HS3ST4: variants seen among roughly 807,000 people sequenced by gnomAD.
HS3ST4 encodes heparan sulfate glucosamine 3-O-sulfotransferase 4.
HS3ST4 carries 17 observed loss-of-function variants against 29.2 expected under a neutral mutation model. The ratio of observed to expected loss-of-function variants is 0.58; its 90% CI spans 0.40 to 0.87. The LOEUF (loss-of-function observed/expected upper bound fraction) is 0.87. HS3ST4 is among the 40% of genes least tolerant of loss of function. HS3ST4 has a pLI of 0.00. For synonymous variants in HS3ST4, 314 were observed against 285.7 expected (o/e 1.10, Z -1.00); for missense variants, 627 against 634.5 (o/e 0.99, Z 0.13).
intron 1 of HS3ST4, among the ~76,000 whole-genome samples, chr16:26,033,194 CAT>C (rs1214383941): frequency 3.9e-5 from 6 of 152,090 alleles, no homozygotes; most frequent in Admixed American, 3.9e-4. Flanking sequence ...GCCTGGGCAA[CAT>C]AGCACAGTTC....
In HS3ST4 at chr16:26,136,026, G is replaced by A; in HGVS notation, c.1149G>A (p.Glu383=). Residue 383 remains glutamate, a synonymous_variant, in exon 2 of 2, where the codon GAG becomes GAA. Transcript: ENST00000331351. The part of the protein sequence containing the change: ...DFLGLKRVVT[E]KHFYFNKTKG... ...TAGGCCTCAAACGTGTTGTGACTGA[G>A]AAGCATTTCTATTTCAACAAAACCA... 6.8e-6 allele frequency: 11 copies of A among 1,613,984 alleles called. No homozygotes were observed. The highest frequency in any genetic ancestry group is 8.5e-6 in the Non-Finnish European group (10 of 1,179,888).
chr16:25,749,777 G>A (rs948145771), intron 1 of HS3ST4, among the ~76,000 whole-genome samples: 2 of 152,122 alleles, frequency 1.3e-5, no homozygotes, highest in African/African-American at 4.8e-5. Flanking sequence ...ATTCTTTGTT[G>A]TTGTTTTTAT....
At chr16:26,124,838 G>T (rs1899321275) in intron 1 of HS3ST4, among the ~76,000 whole-genome samples, 1 of 152,230 alleles carries the variant, frequency 6.6e-6, no homozygotes, top group Admixed American at 6.5e-5. Flanking sequence ...TGAGAGAGAA[G>T]AAGCTACCTT....
chr16:26,098,911 C>A (rs2141795239), intron 1 of HS3ST4, among the ~76,000 whole-genome samples: 1 of 152,084 alleles, frequency 6.6e-6, no homozygotes, highest in Non-Finnish European at 1.5e-5. Context: ...CCAAGGCAAC[C>A]TGCGGATACG....
chr16:25,880,812 C>T (rs1045319756), intron 1 of HS3ST4, among the ~76,000 whole-genome samples: 2 of 152,168 alleles, frequency 1.3e-5, no homozygotes, highest in African/African-American at 4.8e-5. Context: ...AGAGGATTTG[C>T]TTGCTTGTAT....
chr16:25,830,710 A>G (rs957572576), intron 1 of HS3ST4, among the ~76,000 whole-genome samples: 7 of 150,876 alleles, frequency 4.6e-5, no homozygotes, highest in Non-Finnish European at 8.8e-5. Context: ...CCCCACCTTC[A>G]ATCCATGTCT....
chr16:25,931,619 G>T (rs1272114532), intron 1 of HS3ST4, among the ~76,000 whole-genome samples: 1 of 152,218 alleles, frequency 6.6e-6, no homozygotes, highest in African/African-American at 2.4e-5. Context: ...CATTATGCAG[G>T]ATGGAGACAA....
At chr16:25,824,206 C>T (rs1244460256) in intron 1 of HS3ST4, among the ~76,000 whole-genome samples, 2 of 151,636 alleles carry the variant, frequency 1.3e-5, no homozygotes, top group African/African-American at 4.8e-5. Context: ...CTCAGACAGA[C>T]TCAGGATACC....
chr16:25,780,383 A>G (rs1004578301), intron 1 of HS3ST4, among the ~76,000 whole-genome samples: 30 of 152,254 alleles, frequency 2.0e-4, no homozygotes, highest in African/African-American at 6.3e-4. Flanking sequence ...TAGCTTGACA[A>G]TCTTGTGCCA....
chr16:26,084,985 C>T (rs552092936), intron 1 of HS3ST4, among the ~76,000 whole-genome samples: 36 of 152,174 alleles, frequency 2.4e-4, no homozygotes, highest in Non-Finnish European at 2.6e-4. Flanking sequence ...GCATAATGCT[C>T]CCTGAAGAGA....
intron 1 of HS3ST4, among the ~76,000 whole-genome samples, chr16:25,913,483 T>C (rs1968259726): frequency 6.6e-6 from 1 of 152,236 alleles, no homozygotes; most frequent in South Asian, 2.1e-4. Context: ...GTGAGAAATC[T>C]GTGTGTGTTG....
chr16:26,127,240 C>A (rs998880678), intron 1 of HS3ST4, among the ~76,000 whole-genome samples: 1 of 152,210 alleles, frequency 6.6e-6, no homozygotes, highest in African/African-American at 2.4e-5. Flanking sequence ...AAATCAAAGC[C>A]ATTAAGCAGG....
intron 1 of HS3ST4, among the ~76,000 whole-genome samples, chr16:25,930,651 TTC>T (rs1229496237): frequency 6.6e-6 from 1 of 151,722 alleles, no homozygotes; most frequent in African/African-American, 2.4e-5. Flanking sequence ...ACATAAATCT[TTC>T]TTTCTCCATC....
At chr16:25,851,716 C>T (rs990592284) in intron 1 of HS3ST4, among the ~76,000 whole-genome samples, 2 of 151,994 alleles carry the variant, frequency 1.3e-5, no homozygotes, top group Non-Finnish European at 2.9e-5. Context: ...GTGGGGCAGG[C>T]GGGGGCATGT....
At chr16:25,916,712 C>T (rs1487944384) in intron 1 of HS3ST4, among the ~76,000 whole-genome samples, 19 of 137,286 alleles carry the variant, frequency 1.4e-4, no homozygotes, top group African/African-American at 4.8e-4. Flanking sequence ...CAGAGTCTCG[C>T]GCTGTCCCCC....
intron 1 of HS3ST4, among the ~76,000 whole-genome samples, chr16:25,971,845 C>T (rs1282273033): frequency 2.0e-5 from 3 of 152,084 alleles, no homozygotes; most frequent in Admixed American, 6.6e-5. Flanking sequence ...GTGTGAGAAT[C>T]GCTTGAACCT....
At chr16:25,876,569 C>T (rs1967835191) in intron 1 of HS3ST4, among the ~76,000 whole-genome samples, 1 of 152,118 alleles carries the variant, frequency 6.6e-6, no homozygotes, top group Non-Finnish European at 1.5e-5. Context: ...GCAACTGTCC[C>T]CTCATCTCTT....
intron 1 of HS3ST4, among the ~76,000 whole-genome samples, chr16:26,064,334 G>A (rs1898516251): frequency 6.6e-6 from 1 of 152,160 alleles, no homozygotes; most frequent in Non-Finnish European, 1.5e-5. Context: ...CTGTCTTAAT[G>A]TCCAAGGTGC....
chr16:25,748,427 C>T (rs1320132178), intron 1 of HS3ST4, among the ~76,000 whole-genome samples: 1 of 152,170 alleles, frequency 6.6e-6, no homozygotes, highest in Admixed American at 6.5e-5. Context: ...TCAGAAACTG[C>T]AGAGCCCAGC....
Sources: gnomAD v4.1 joint callset for allele counts (sites outside exome capture counted in the v4.1 genomes callset) on GRCh38, gnomAD v4.1.1 for gene constraint, MANE v1.5 for transcripts, NCBI Gene and HGNC (gene_info 2026-07-23, HGNC 2026-07-21) for gene names.